USP34: variants seen among roughly 807,000 people sequenced by gnomAD.
The protein encoded by USP34 is ubiquitin carboxyl-terminal hydrolase 34.
Under a neutral mutation model 460.3 loss-of-function variants are expected in USP34, and 70 were observed. The observed-to-expected ratio is 0.15, with a 90% confidence interval of 0.13 to 0.19. The LOEUF (loss-of-function observed/expected upper bound fraction) is 0.19. Ranked by LOEUF, USP34 falls within the 10% of genes least tolerant of loss-of-function variation. The pLI is 1.00. For missense variants in USP34, 3,985 were observed against 4,236.2 expected (o/e 0.94, Z 1.65); for synonymous variants, 1,647 against 1,405.3 (o/e 1.17, Z -3.85).
rs1225093290 is a variant in USP34 at position 61,206,071 on chromosome 2, G to C, written c.9100C>G (p.Leu3034Val). Residue 3034 changes from leucine to valine, a missense_variant, in exon 72 of 80, where the codon CTG becomes GTG. Coordinates refer to ENST00000398571, the MANE Select transcript of USP34 (RefSeq NM_014709.4). ...CTATAGGAATTAAGAAGAGTTAACA[G>C]TTTATGGGCAAATTCAATTCGCTCC... is the stretch of plus-strand genomic sequence containing the variant. Reference protein sequence around the residue: ...WQERIEFAHKLLTLLNSYSPP... With the variant: ...WQERIEFAHKVLTLLNSYSPP... The C allele has an allele frequency of 1.9e-6, 3 of 1,613,808 alleles. No homozygotes were observed. The highest frequency in any genetic ancestry group is 1.7e-4 in the Middle Eastern group (1 of 6,054).
chr2:61,401,216 C>T (rs1357698777), intron 3 of USP34, among the ~76,000 whole-genome samples: 1 of 150,572 alleles, frequency 6.6e-6, no homozygotes, highest in Non-Finnish European at 1.5e-5. Context: ...TCTGATTATA[C>T]CATACGTATA....
chr2:61,259,433 ACT>A (rs1688812151), intron 44 of USP34, among the ~76,000 whole-genome samples: 2 of 151,272 alleles, frequency 1.3e-5, no homozygotes, highest in South Asian at 2.1e-4. Flanking sequence ...TGTCACCTAG[ACT>A]CGAGTGCAGT....
chr2:61,223,934 T>G (rs1687660178), intron 62 of USP34, among the ~76,000 whole-genome samples: 1 of 152,218 alleles, frequency 6.6e-6, no homozygotes, highest in Non-Finnish European at 1.5e-5. Flanking sequence ...CCAGTCTTGT[T>G]TCATTTGAAC....
chr2:61,256,478 C>T lies in USP34; in HGVS notation c.6127G>A (p.Glu2043Lys). The change falls in exon 48 of 80, where the codon GAA (glutamate) becomes AAA (lysine). Residue 2043 changes from glutamate to lysine, a missense_variant and splice_region_variant. Transcript: ENST00000398571. ...TTTATAGTAACTTCATCAAGAGATT[C>T]CTGTGTATAAAACCACATTTAAAAG... ...CQVADMKNIY[E>K]SLDEVTIKDT... The T allele has an allele frequency of 6.3e-7, 1 of 1,591,860 alleles. No homozygotes were observed. Among genetic ancestry groups the T allele is most frequent in the Non-Finnish European group, 8.6e-7 (1 of 1,166,002 alleles).
intron 70 of USP34, chr2:61,208,476 C>G (rs1250259326): frequency 6.6e-6 from 1 of 152,408 alleles, no homozygotes; most frequent in East Asian, 1.9e-4. Context: ...CGTCCTCAAC[C>G]TTGGCAAAAT....
intron 25 of USP34, 72 bp from the exon 26 acceptor site, chr2:61,311,982 T>A: frequency 4.5e-6 from 7 of 1,553,606 alleles, no homozygotes; most frequent in Non-Finnish European, 5.2e-6. Context: ...CAAATTTTTA[T>A]CATCTTACAG....
chr2:61,454,635 C>T (rs1247626565), intron 1 of USP34, among the ~76,000 whole-genome samples: 3 of 152,096 alleles, frequency 2.0e-5, no homozygotes, highest in East Asian at 1.9e-4. Flanking sequence ...CTTCAACCTC[C>T]GCCTCCCAAG....
Position 61,267,620 on chromosome 2 carries a change from TTTTG to T in USP34, c.5434-1457_5434-1454del, listed in dbSNP as rs1237430137. 2.6e-5 allele frequency among the ~76,000 whole-genome samples: 4 copies of T among 151,468 alleles called. No homozygotes were observed. The East Asian group carries it at 5.8e-4, about 22-fold the overall frequency. ...ACTACACCCAGCTAATTTTTTGTGG[TTTTG>T]TTTGTTTGAGACAGAGTCTTGCTCT... On this transcript the variant is annotated intron_variant, in intron 41 of 79. Coordinates refer to ENST00000398571, the MANE Select transcript of USP34 (RefSeq NM_014709.4).
At chr2:61,399,373 C>T (rs1295973585) in intron 3 of USP34, among the ~76,000 whole-genome samples, 2 of 151,648 alleles carry the variant, frequency 1.3e-5, no homozygotes, top group Non-Finnish European at 2.9e-5. Flanking sequence ...GAGTTCTATC[C>T]TGGTATGCAG....
chr2:61,385,927 G>A (rs1267900213), intron 5 of USP34, among the ~76,000 whole-genome samples: 4 of 150,154 alleles, frequency 2.7e-5, no homozygotes, highest in Admixed American at 6.7e-5. Context: ...ACCCCAGGAG[G>A]TGGAGGTTGC....
chr2:61,286,118 T>C (rs891688489), intron 34 of USP34, among the ~76,000 whole-genome samples: 2 of 152,188 alleles, frequency 1.3e-5, no homozygotes, highest in African/African-American at 2.4e-5. Context: ...GGCTAAATTT[T>C]GCAAGTAACT....
chr2:61,278,570 C>T lies in USP34; in HGVS notation c.5257-127G>A, dbSNP rs140044794. The T allele has an allele frequency of 3.3e-4, 220 of 663,710 alleles. 2 individuals are homozygous for T. Among genetic ancestry groups the T allele is most frequent in the Non-Finnish European group, 5.1e-4 (204 of 402,060 alleles). The allele number at this position is 663,710 out of a possible 1,614,324, so 41.1% of individuals were successfully genotyped here. On this transcript the variant is annotated intron_variant, in intron 39 of 79. Transcript: ENST00000398571. ...TCTCCCAAATTCAATAAGTTATAAA[C>T]GTAATACACCTACTCTTTACTTATA...
intron 1 of USP34, among the ~76,000 whole-genome samples, chr2:61,462,144 C>A (rs1695618966): frequency 6.6e-6 from 1 of 151,022 alleles, no homozygotes; most frequent in Non-Finnish European, 1.5e-5. Context: ...GAGGTTGAGG[C>A]AGGAAAATCG....
chr2:61,273,593 C>T (rs899083431), intron 41 of USP34, among the ~76,000 whole-genome samples: 30 of 152,096 alleles, frequency 2.0e-4, no homozygotes, highest in African/African-American at 6.5e-4. Flanking sequence ...TGCCAGGTGC[C>T]TGTAGTCTCA....
chr2:61,351,151 C>T (rs948428310), intron 10 of USP34, among the ~76,000 whole-genome samples: 2 of 151,964 alleles, frequency 1.3e-5, no homozygotes, highest in African/African-American at 4.8e-5. Context: ...CTCTTGATTC[C>T]AATGGAATTA....
At position 61,206,744 on chromosome 2, in the gene USP34, G is replaced by A. The variant is rs1687131740; in HGVS notation, c.9046+16C>T. On this transcript the variant is annotated intron_variant, in intron 71 of 79. Transcript: ENST00000398571. ...TAGTAGCACGAACAAAACATAAGAA[G>A]TAGGAATGAGCAAACCTTTTCTCTG... 5.6e-6 allele frequency: 9 copies of A among 1,611,406 alleles called. No homozygotes were observed. The highest frequency in any genetic ancestry group is 1.1e-5 in the South Asian group (1 of 90,586).
At chr2:61,403,549 T>C (rs1693781272) in intron 3 of USP34, among the ~76,000 whole-genome samples, 1 of 152,178 alleles carries the variant, frequency 6.6e-6, no homozygotes, top group South Asian at 2.1e-4. Context: ...TTTCAGAATA[T>C]TTAATATATT....
At chr2:61,369,931 TA>T (rs1572975564) in intron 10 of USP34, among the ~76,000 whole-genome samples, 1 of 150,324 alleles carries the variant, frequency 6.7e-6, no homozygotes, top group African/African-American at 2.4e-5. Flanking sequence ...ACATGTAATA[TA>T]TTTTTTATAT....
At chr2:61,221,829 C>A in intron 65 of USP34, 1 of 390,732 alleles carries the variant, frequency 2.6e-6, no homozygotes, top group East Asian at 4.1e-5. Flanking sequence ...TTCTGGATGT[C>A]AAGAGTATTT....
Sources: gnomAD v4.1 joint callset for allele counts (sites outside exome capture counted in the v4.1 genomes callset) on GRCh38, gnomAD v4.1.1 for gene constraint, MANE v1.5 for transcripts, NCBI Gene and HGNC (gene_info 2026-07-23, HGNC 2026-07-21) for gene names.